The following OTOP1 variants were observed in gnomAD, a reference collection of about 807,000 sequenced individuals.
OTOP1 encodes the protein proton channel OTOP1.
In OTOP1, 59 loss-of-function variants were observed where a neutral mutation model predicts 52.9. The observed-to-expected ratio is 1.12, with a 90% CI of 0.91 to 1.39. OTOP1 has a LOEUF of 1.39. Among genes scored for constraint, OTOP1 ranks in the 40% most tolerant of loss-of-function variants. OTOP1 has a pLI of 0.00. For missense variants in OTOP1, 761 were observed against 800.9 expected (o/e 0.95, Z 0.60); for synonymous variants, 317 against 337.7 (o/e 0.94, Z 0.67).
Position 4,200,470 on chromosome 4 carries a change from G to A in OTOP1, c.730+1978C>T, listed in dbSNP as rs1460261608. On this transcript the variant is annotated intron_variant, in intron 4 of 5. Transcript: ENST00000296358. ...CAGCCTGGGCGACGAGCGAGACTCCGTCTAAAAAAAAAAAAAAATCTGAGA... is the reference window on the plus strand; with the variant it reads ...CAGCCTGGGCGACGAGCGAGACTCCATCTAAAAAAAAAAAAAAATCTGAGA... 1.7e-4 allele frequency among the ~76,000 whole-genome samples: 14 copies of A among 83,390 alleles called. No homozygotes were observed. The South Asian group carries it at 4.6e-3, about 28-fold the overall frequency. The allele number at this position is 83,390 out of a possible 152,430, so 54.7% of individuals were successfully genotyped here.
intron 5 of OTOP1, among the ~76,000 whole-genome samples, chr4:4,194,995 A>G (rs1716590933): frequency 6.6e-6 from 1 of 152,078 alleles, no homozygotes. Context: ...TTTCTCTCCC[A>G]GTCTTTCTGC....
At chr4:4,200,491 T>A (rs1716759237) in intron 4 of OTOP1, among the ~76,000 whole-genome samples, 1 of 147,864 alleles carries the variant, frequency 6.8e-6, no homozygotes, top group Non-Finnish European at 1.5e-5. Flanking sequence ...AAAAAAAATC[T>A]GAGAAAAACT....
chr4:4,194,756 C>G (rs1285660087), intron 5 of OTOP1, among the ~76,000 whole-genome samples: 1 of 152,220 alleles, frequency 6.6e-6, no homozygotes, highest in Non-Finnish European at 1.5e-5. Context: ...GCAGGCACCT[C>G]TGTGGACTGG....
At chr4:4,196,568 A>T (rs1716631156) in intron 5 of OTOP1, among the ~76,000 whole-genome samples, 1 of 152,050 alleles carries the variant, frequency 6.6e-6, no homozygotes, top group Non-Finnish European at 1.5e-5. Context: ...AAAAAAAGAG[A>T]GTTTTTTAAA....
At chr4:4,191,883 G>A (rs1440942440) in intron 5 of OTOP1, among the ~76,000 whole-genome samples, 1 of 152,112 alleles carries the variant, frequency 6.6e-6, no homozygotes, top group African/African-American at 2.4e-5. Context: ...AGGTACTCAA[G>A]GAACACCTTC....
chr4:4,200,987 T>C (rs1252938238), intron 4 of OTOP1, among the ~76,000 whole-genome samples: 5 of 152,328 alleles, frequency 3.3e-5, no homozygotes, highest in Non-Finnish European at 5.9e-5. Flanking sequence ...AGTCCTTTTT[T>C]AGAAAATTAA....
chr4:4,202,357 C>A (rs1220089936), intron 4 of OTOP1, 91 bp downstream of exon 4: 4 of 1,569,028 alleles, frequency 2.5e-6, no homozygotes, highest in East Asian at 4.6e-5. Context: ...TTCTTTGGAA[C>A]CTGCACTCCA....
intron 1 of OTOP1, among the ~76,000 whole-genome samples, chr4:4,225,915 TG>T (rs1357671829): frequency 2.0e-5 from 3 of 151,288 alleles, no homozygotes; most frequent in Admixed American, 6.6e-5. Context: ...GCGGGGAGAA[TG>T]GGGTGAGGCC....
chr4:4,202,459 T>C lies in OTOP1; in HGVS notation c.719A>G (p.Asn240Ser), dbSNP rs1346706931. 12 of 1,613,876 alleles carry C rather than the reference T, an allele frequency of 7.4e-6. No individual in the cohort carries two copies. In the Admixed American group the frequency reaches 1.8e-4, roughly 25 times the overall value. ...CTCTCACCACTCACCTGTTGTTATG[T>C]TCCCAAAACCCAGAGTGATGAGCCG... ...KERLITLGFG[N>S]ITTVLDDHTP... Residue 240 changes from asparagine (N) to serine (S), a missense_variant, in exon 4 of 6, where the codon AAC becomes AGC. Asn to Ser is a conservative substitution (Grantham distance 46). Coordinates refer to ENST00000296358, the MANE Select transcript of OTOP1 (RefSeq NM_177998.3).
intron 1 of OTOP1, among the ~76,000 whole-genome samples, chr4:4,218,134 G>C (rs1364362461): frequency 3.3e-5 from 5 of 152,080 alleles, no homozygotes; most frequent in Non-Finnish European, 7.4e-5. Flanking sequence ...GCTCATACCT[G>C]TAATCCCAGT....
At chr4:4,210,140 C>G (rs1238483666) in intron 2 of OTOP1, among the ~76,000 whole-genome samples, 3 of 152,206 alleles carry the variant, frequency 2.0e-5, no homozygotes, top group Non-Finnish European at 4.4e-5. Context: ...ATTTTGCAGC[C>G]TTGTATTCCC....
At position 4,206,010 on chromosome 4, in the gene OTOP1, G is replaced by A. The variant is rs1716898054; in HGVS notation, c.599+62C>T. The A allele has an allele frequency of 7.0e-6, 10 of 1,427,374 alleles. No individual in the cohort carries two copies. The South Asian group carries it at 1.2e-4, about 17-fold the overall frequency. The allele number at this position is 1,427,374 out of a possible 1,614,324, so 88.4% of individuals were successfully genotyped here. A position where few individuals can be genotyped will look rare whatever the true frequency, so the allele number is the denominator to read the frequency against. On this transcript the variant is annotated intron_variant, in intron 3 of 5. Coordinates refer to ENST00000296358, the MANE Select transcript of OTOP1 (RefSeq NM_177998.3). The stretch of plus-strand genomic sequence containing the variant: ...AACCAAAGCAAGATGGCAGTGATGA[G>A]TTTTGAAAATTCTAAATGAATGCCA...
intron 2 of OTOP1, among the ~76,000 whole-genome samples, chr4:4,212,358 A>T (rs1717043551): frequency 6.6e-6 from 1 of 152,238 alleles, no homozygotes; most frequent in African/African-American, 2.4e-5. Flanking sequence ...TCCCCAAACG[A>T]GAAAACAAAA....
chr4:4,196,734 T>A (rs112703164), intron 5 of OTOP1, among the ~76,000 whole-genome samples: 1 of 152,058 alleles, frequency 6.6e-6, no homozygotes, highest in African/African-American at 2.4e-5. Flanking sequence ...TCTCAAAAAA[T>A]AAATAAATAG....
Position 4,188,896 on chromosome 4 carries a change from G to C in OTOP1, c.1746C>G (p.Pro582=). 1 of 1,613,856 alleles carries C rather than the reference G, an allele frequency of 6.2e-7. No individual in the cohort carries two copies. Among genetic ancestry groups the C allele is most frequent in the Non-Finnish European group, 8.5e-7 (1 of 1,179,818 alleles). The change falls in exon 6 of 6, where the codon CCC becomes CCG. Residue 582 remains proline (P), a synonymous_variant. Coordinates refer to ENST00000296358, the MANE Select transcript of OTOP1 (RefSeq NM_177998.3). ...TGGCCAGGTTGACCACAATTATCCA[G>C]GGTTCAAAGCCAAAGACAATCTCCT... ...GLEEIVFGFE[P]WIIVVNLAMP... is the part of the protein sequence containing the mutation.
intron 5 of OTOP1, among the ~76,000 whole-genome samples, chr4:4,191,478 C>G (rs868562653): frequency 6.6e-6 from 1 of 152,230 alleles, no homozygotes; most frequent in Non-Finnish European, 1.5e-5. Flanking sequence ...TTTCTAACCA[C>G]CCACGCTTCT....
intron 1 of OTOP1, among the ~76,000 whole-genome samples, chr4:4,219,811 G>A (rs1717238272): frequency 1.4e-5 from 2 of 141,370 alleles, no homozygotes; most frequent in South Asian, 4.6e-4. Context: ...ATATATACGT[G>A]TATATATGTA....
chr4:4,209,420 G>C (rs546652287), intron 2 of OTOP1, among the ~76,000 whole-genome samples: 29 of 152,146 alleles, frequency 1.9e-4, no homozygotes, highest in African/African-American at 6.3e-4. Context: ...TTAATTCATT[G>C]ACTTGCCTGG....
At chr4:4,209,117 G>A (rs1344445184) in intron 2 of OTOP1, among the ~76,000 whole-genome samples, 1 of 152,178 alleles carries the variant, frequency 6.6e-6, no homozygotes, top group Non-Finnish European at 1.5e-5. Context: ...AGCAGGAGAT[G>A]CATGAAGGGT....
Sources: gnomAD v4.1 joint callset for allele counts (sites outside exome capture counted in the v4.1 genomes callset) on GRCh38, gnomAD v4.1.1 for gene constraint, MANE v1.5 for transcripts, NCBI Gene and HGNC (gene_info 2026-07-23, HGNC 2026-07-21) for gene names.